The following TULP4 variants were observed in gnomAD, a reference collection of about 807,000 sequenced individuals.
TULP4 encodes the protein tubby-related protein 4.
In TULP4, 16 loss-of-function variants were observed where a neutral mutation model predicts 129.0. The ratio of observed to expected loss-of-function variants is 0.12; its 90% CI spans 0.08 to 0.19. TULP4 has a LOEUF of 0.19. TULP4 is among the 10% of genes least tolerant of loss of function. The pLI is 1.00. For missense variants in TULP4, 1,842 were observed against 2,059.1 expected (o/e 0.89, Z 2.04); for synonymous variants, 998 against 854.0 (o/e 1.17, Z -2.94).
chr6:158,249,948 G>C (rs1778107826), intron 1 of TULP4, among the ~76,000 whole-genome samples: 2 of 152,124 alleles, frequency 1.3e-5, no homozygotes, highest in South Asian at 4.1e-4. Context: ...GTAATATTAA[G>C]TATCATTTGG....
At chr6:158,307,020 C>CA (rs996358519) in intron 1 of TULP4, among the ~76,000 whole-genome samples, 1 of 151,310 alleles carries the variant, frequency 6.6e-6, no homozygotes, top group Non-Finnish European at 1.5e-5. Flanking sequence ...GGCTGTGTCT[C>CA]AAAAAAATAA....
intron 11 of TULP4, 70 bp from the exon 12 acceptor site, chr6:158,498,599 T>G: frequency 3.8e-6 from 6 of 1,591,340 alleles, no homozygotes; most frequent in Non-Finnish European, 5.2e-6. Flanking sequence ...CTTCTTCCTG[T>G]GACTCTCTTG....
At chr6:158,386,873 G>A (rs1022265590) in intron 1 of TULP4, among the ~76,000 whole-genome samples, 3 of 152,116 alleles carry the variant, frequency 2.0e-5, no homozygotes, top group Non-Finnish European at 4.4e-5. Context: ...TTGTTAGAAT[G>A]TCTATCTAGT....
In TULP4 at chr6:158,364,760, G is replaced by A. The variant is rs926061255; in HGVS notation, c.253-48305G>A. Reference sequence around the variant, plus strand: ...TGTTTGTTTGTTTGTTTTTTAAGACGGAGTCTCATTCTGTCACCCAGGCTG... The same window carrying A: ...TGTTTGTTTGTTTGTTTTTTAAGACAGAGTCTCATTCTGTCACCCAGGCTG... On this transcript the variant is annotated intron_variant, in intron 1 of 13. Coordinates refer to ENST00000367097, the MANE Select transcript of TULP4 (RefSeq NM_020245.5). 3.3e-5 allele frequency among the ~76,000 whole-genome samples: 5 copies of A among 151,864 alleles called. No individual in the cohort carries two copies. The South Asian group carries it at 6.3e-4, about 19-fold the overall frequency.
At chr6:158,240,673 C>T (rs1395780288) in intron 1 of TULP4, among the ~76,000 whole-genome samples, 2 of 112,778 alleles carry the variant, frequency 1.8e-5, no homozygotes, top group Non-Finnish European at 4.1e-5. Flanking sequence ...CCCTCCCAGA[C>T]GGGGCAGCTG....
intron 1 of TULP4, among the ~76,000 whole-genome samples, chr6:158,244,123 G>A (rs1188217440): frequency 1.3e-5 from 2 of 152,092 alleles, no homozygotes; most frequent in Non-Finnish European, 2.9e-5. Flanking sequence ...TCCTTTCGAT[G>A]CTCAAATTGC....
At chr6:158,412,274 G>T (rs531409940) in intron 1 of TULP4, among the ~76,000 whole-genome samples, 1 of 152,216 alleles carries the variant, frequency 6.6e-6, no homozygotes, top group Non-Finnish European at 1.5e-5. Flanking sequence ...TCTCCAGGGT[G>T]AGCCCTGCCG....
At chr6:158,427,252 C>T (rs1250623206) in intron 2 of TULP4, among the ~76,000 whole-genome samples, 1 of 152,060 alleles carries the variant, frequency 6.6e-6, no homozygotes, top group Non-Finnish European at 1.5e-5. Context: ...TGGTACCATT[C>T]GTGCAAAATT....
chr6:158,331,724 C>CGTGTATATAT (rs1461352017), intron 1 of TULP4, among the ~76,000 whole-genome samples: 1,047 of 26,506 alleles, frequency 0.04, 214 homozygotes, highest in Non-Finnish European at 0.048. Flanking sequence ...CACACACACA[C>CGTGTATATAT]ACACATACGT....
intron 8 of TULP4, among the ~76,000 whole-genome samples, chr6:158,489,238 C>T (rs1780139735): frequency 6.6e-6 from 1 of 152,206 alleles, no homozygotes; most frequent in South Asian, 2.1e-4. Flanking sequence ...ACCCTCAGCC[C>T]AGGTTCTGTG....
intron 1 of TULP4, among the ~76,000 whole-genome samples, chr6:158,334,545 G>A (rs138197719): frequency 2.7e-4 from 41 of 152,258 alleles, no homozygotes; most frequent in African/African-American, 9.4e-4. Context: ...AAGTTTTAGG[G>A]GAGGTAAAAG....
chr6:158,404,935 A>G (rs1334229421), intron 1 of TULP4, among the ~76,000 whole-genome samples: 4 of 152,050 alleles, frequency 2.6e-5, no homozygotes, highest in Non-Finnish European at 5.9e-5. Flanking sequence ...TTCATAGTAA[A>G]TTTTTCTTTA....
intron 1 of TULP4, among the ~76,000 whole-genome samples, chr6:158,289,647 C>T (rs1778896619): frequency 6.6e-6 from 1 of 152,136 alleles, no homozygotes; most frequent in South Asian, 2.1e-4. Context: ...GTGGTGCAAT[C>T]ATGGCTTACT....
chr6:158,353,755 T>A (rs1780579965), intron 1 of TULP4, among the ~76,000 whole-genome samples: 1 of 152,252 alleles, frequency 6.6e-6, no homozygotes, highest in Non-Finnish European at 1.5e-5. Flanking sequence ...TTTAAATCTC[T>A]GTGAATAGAT....
At chr6:158,305,929 C>G (rs181406536) in intron 1 of TULP4, among the ~76,000 whole-genome samples, 1 of 152,180 alleles carries the variant, frequency 6.6e-6, no homozygotes, top group Admixed American at 6.5e-5. Flanking sequence ...GTTTTCTCAT[C>G]TTTATGAGAA....
Position 158,461,743 on chromosome 6 carries a change from C to T in TULP4, c.1026+14C>T. 6.2e-7 allele frequency: 1 copy of T among 1,610,378 alleles called. No individual in the cohort carries two copies. Among genetic ancestry groups the T allele is most frequent in the East Asian group, 2.2e-5 (1 of 44,816 alleles). ...ACTCTCGTGCAGGTAAGGATGTTCT[C>T]TGGAAACAAGTACATTTTCAGCAGT... On this transcript the variant is annotated intron_variant, in intron 6 of 13. Transcript: ENST00000367097.
At chr6:158,301,062 G>A (rs1248169221) in intron 1 of TULP4, among the ~76,000 whole-genome samples, 3 of 152,158 alleles carry the variant, frequency 2.0e-5, no homozygotes, top group Admixed American at 6.5e-5. Flanking sequence ...TTGGCGAACC[G>A]CCTGTTGTAA....
chr6:158,434,447 T>C (rs1451378568), intron 3 of TULP4, among the ~76,000 whole-genome samples: 1 of 152,148 alleles, frequency 6.6e-6, no homozygotes, highest in Non-Finnish European at 1.5e-5. Context: ...GGGAAAAATA[T>C]CTGGGTCCTA....
intron 1 of TULP4, among the ~76,000 whole-genome samples, chr6:158,345,517 A>C (rs1780281682): frequency 6.6e-6 from 1 of 152,204 alleles, no homozygotes. Context: ...GCGTGACATC[A>C]CATATCGGTA....
Sources: gnomAD v4.1 joint callset for allele counts (sites outside exome capture counted in the v4.1 genomes callset) on GRCh38, gnomAD v4.1.1 for gene constraint, MANE v1.5 for transcripts, NCBI Gene and HGNC (gene_info 2026-07-23, HGNC 2026-07-21) for gene names.